Variants in REDIC1 observed in about 807,000 individuals in gnomAD.
REDIC1 encodes the protein HEI10 Interacting Protein 1.
chr12:39,833,892 TAAAAAAAAAA>T, the REDIC1 span, among the ~76,000 whole-genome samples: 2 of 88,402 alleles, frequency 2.3e-5, no homozygotes, highest in African/African-American at 4.0e-5. Flanking sequence ...AGCATGGTCA[TAAAAAAAAAA>T]AAAAAAAAAA....
chr12:39,643,046 C>G, the REDIC1 span, among the ~76,000 whole-genome samples: 1 of 151,696 alleles, frequency 6.6e-6, no homozygotes, highest in Admixed American at 6.6e-5. Flanking sequence ...TATTTACATT[C>G]ATAGCATTAT....
the REDIC1 span, among the ~76,000 whole-genome samples, chr12:39,803,219 A>AT: frequency 6.6e-6 from 1 of 151,942 alleles, no homozygotes; most frequent in African/African-American, 2.4e-5. Flanking sequence ...AAAAAAAAAA[A>AT]AAACTTTCTA....
the REDIC1 span, among the ~76,000 whole-genome samples, chr12:39,880,147 TG>T: frequency 6.6e-6 from 1 of 152,188 alleles, no homozygotes; most frequent in Non-Finnish European, 1.5e-5. Context: ...CCCCAGAAGC[TG>T]GGCAGATGCC....
At chr12:39,761,710 A>C in the REDIC1 span, among the ~76,000 whole-genome samples, 1 of 152,058 alleles carries the variant, frequency 6.6e-6, no homozygotes, top group African/African-American at 2.4e-5. Context: ...AGAGAAATGG[A>C]ATCTTTAGCA....
chr12:39,714,056 C>T, the REDIC1 span, among the ~76,000 whole-genome samples: 1 of 8,110 alleles, frequency 1.2e-4, no homozygotes, highest in Non-Finnish European at 7.8e-4. Flanking sequence ...CATGTATATA[C>T]ACGTATGTGT....
the REDIC1 span, among the ~76,000 whole-genome samples, chr12:39,887,851 C>T: frequency 6.6e-6 from 1 of 152,180 alleles, no homozygotes; most frequent in South Asian, 2.1e-4. Flanking sequence ...TCTCATGGTT[C>T]TCCTTCTTAC....
chr12:39,730,373 C>T, the REDIC1 span, among the ~76,000 whole-genome samples: 1 of 152,132 alleles, frequency 6.6e-6, no homozygotes, highest in African/African-American at 2.4e-5. Context: ...AATTTTTCAG[C>T]ATTTGCTTGT....
At chr12:39,759,051 G>GA in the REDIC1 span, 2 of 152,328 alleles carry the variant, frequency 1.3e-5, no homozygotes, top group Admixed American at 6.6e-5. Context: ...AAAGAAAGGG[G>GA]AAAAATGGTT....
At chr12:39,670,213 T>C in the REDIC1 span, among the ~76,000 whole-genome samples, 1 of 152,068 alleles carries the variant, frequency 6.6e-6, no homozygotes, top group Non-Finnish European at 1.5e-5. Context: ...TTTTTTGAGA[T>C]AGAGTCTTGC....
the REDIC1 span, among the ~76,000 whole-genome samples, chr12:39,712,456 A>ATATGTATACATACG: frequency 0.12 from 1,116 of 9,598 alleles, 17 homozygotes; most frequent in African/African-American, 0.15. Context: ...ATACATACGT[A>ATATGTATACATACG]TATATACGTA....
At chr12:39,872,327 G>T in the REDIC1 span, among the ~76,000 whole-genome samples, 1 of 152,170 alleles carries the variant, frequency 6.6e-6, no homozygotes, top group South Asian at 2.1e-4. Context: ...CAAGTCCATG[G>T]AATGAATCAG....
the REDIC1 span, among the ~76,000 whole-genome samples, chr12:39,695,056 C>T: frequency 2.0e-5 from 3 of 152,196 alleles, no homozygotes; most frequent in African/African-American, 7.2e-5. Flanking sequence ...GATTCATCAC[C>T]TGCTAACTGA....
chr12:39,684,742 CTTTATT>C, the REDIC1 span: 1 of 642,992 alleles, frequency 1.6e-6, no homozygotes, highest in East Asian at 2.8e-5. Context: ...GCTTATGAAT[CTTTATT>C]TTTAAGAAAG....
At chr12:39,713,396 ACATACGTATGTATACACATATACATATG>A in the REDIC1 span, among the ~76,000 whole-genome samples, 1 of 9,438 alleles carries the variant, frequency 1.1e-4, no homozygotes, top group Non-Finnish European at 6.0e-4. Context: ...GTGTGTAGAC[ACATACGTATGTATACACATATACATATG>A]TATATATGTG....
At chr12:39,663,116 C>A in the REDIC1 span, among the ~76,000 whole-genome samples, 1 of 151,870 alleles carries the variant, frequency 6.6e-6, no homozygotes, top group African/African-American at 2.4e-5. Context: ...GTTTTGATAT[C>A]AGAGTAATCC....
the REDIC1 span, among the ~76,000 whole-genome samples, chr12:39,630,324 A>AT: frequency 4.6e-5 from 7 of 152,140 alleles, no homozygotes; most frequent in African/African-American, 9.7e-5. Flanking sequence ...GCAGTATAAG[A>AT]TTTTTTTAAA....
At chr12:39,774,938 T>C in the REDIC1 span, among the ~76,000 whole-genome samples, 1 of 152,202 alleles carries the variant, frequency 6.6e-6, no homozygotes, top group Non-Finnish European at 1.5e-5. Context: ...GCAATAGTGG[T>C]ACAGTCTCTA....
chr12:39,764,312 A>G, the REDIC1 span: 5 of 656,906 alleles, frequency 7.6e-6, no homozygotes, highest in Admixed American at 3.6e-5. Flanking sequence ...CACATTTCCG[A>G]TGCCTTTGGA....
chr12:39,891,399 T>C, the REDIC1 span, among the ~76,000 whole-genome samples: 1 of 152,040 alleles, frequency 6.6e-6, no homozygotes, highest in African/African-American at 2.4e-5. Context: ...GAGAAAACAT[T>C]ATCTTACATT....
Sources: gnomAD v4.1 joint callset for allele counts (sites outside exome capture counted in the v4.1 genomes callset) on GRCh38, gnomAD v4.1.1 for gene constraint, MANE v1.5 for transcripts, NCBI Gene and HGNC (gene_info 2026-07-23, HGNC 2026-07-21) for gene names.